MYOF: variants seen among roughly 807,000 people sequenced by gnomAD.
The protein encoded by MYOF is fer-1-like 3, myoferlin.
A neutral mutation model predicts 284.2 loss-of-function variants in MYOF; 244 were observed. That is an observed-to-expected ratio of 0.86 (90% confidence interval 0.77 to 0.95). MYOF has a LOEUF of 0.95. Among genes scored for constraint, MYOF ranks in the 40% least tolerant of loss-of-function variants. The probability of loss-of-function intolerance (pLI) is 0.00; values close to 1 mark genes in which losing one functional copy is unlikely to be tolerated. For missense variants in MYOF, 2,496 were observed against 2,560.6 expected (o/e 0.97, Z 0.54); for synonymous variants, 904 against 919.7 (o/e 0.98, Z 0.31).
intron 24 of MYOF, among the ~76,000 whole-genome samples, chr10:93,370,155 A>G (rs557122620): frequency 3.8e-4 from 58 of 152,316 alleles, no homozygotes; most frequent in African/African-American, 1.3e-3. Flanking sequence ...CCGGATTGCC[A>G]AACTGGACCT....
chr10:93,360,747 T>C (rs1845029952), intron 28 of MYOF, among the ~76,000 whole-genome samples: 1 of 152,198 alleles, frequency 6.6e-6, no homozygotes, highest in South Asian at 2.1e-4. Context: ...TAGGAAGACT[T>C]TAAGGGTAGT....
chr10:93,362,407 G>A (rs1335726858), intron 27 of MYOF, among the ~76,000 whole-genome samples: 1 of 151,862 alleles, frequency 6.6e-6, no homozygotes, highest in African/African-American at 2.4e-5. Context: ...ACCACACTTG[G>A]CTAATTTTTG....
chr10:93,333,370 T>C, intron 42 of MYOF, 58 bp from the exon 43 acceptor site: 2 of 1,464,508 alleles, frequency 1.4e-6, no homozygotes, highest in Non-Finnish European at 1.9e-6. Flanking sequence ...TGAAGTCAAG[T>C]TCAGGGACAG....
intron 27 of MYOF, among the ~76,000 whole-genome samples, chr10:93,362,141 G>A (rs573053104): frequency 6.6e-6 from 1 of 152,208 alleles, no homozygotes; most frequent in South Asian, 2.1e-4. Context: ...GTAGAGACAG[G>A]GTTTCACCAT....
intron 23 of MYOF, among the ~76,000 whole-genome samples, chr10:93,373,727 C>T (rs1443680777): frequency 1.3e-5 from 2 of 152,134 alleles, no homozygotes; most frequent in Non-Finnish European, 2.9e-5. Context: ...GACTACCTAC[C>T]CAACCCTCTG....
chr10:93,348,566 G>A (rs1159665448), intron 36 of MYOF, among the ~76,000 whole-genome samples: 1 of 152,098 alleles, frequency 6.6e-6, no homozygotes, highest in Non-Finnish European at 1.5e-5. Context: ...GAACTTGGAA[G>A]GTGAGGGAGG....
chr10:93,346,896 G>C (rs1197874286), intron 37 of MYOF, among the ~76,000 whole-genome samples: 1 of 152,210 alleles, frequency 6.6e-6, no homozygotes, highest in South Asian at 2.1e-4. Flanking sequence ...TAACCATTCA[G>C]TGAAAGGCAG....
At chr10:93,479,399 G>A (rs146652987) in intron 1 of MYOF, among the ~76,000 whole-genome samples, 1 of 152,096 alleles carries the variant, frequency 6.6e-6, no homozygotes, top group African/African-American at 2.4e-5. Context: ...AGTATCCTCA[G>A]TTCAGTCAGA....
chr10:93,368,485 C>T (rs1490130960), intron 25 of MYOF, among the ~76,000 whole-genome samples: 1 of 152,194 alleles, frequency 6.6e-6, no homozygotes, highest in Non-Finnish European at 1.5e-5. Flanking sequence ...GAGGACCAGG[C>T]TTGGCTTCTT....
At chr10:93,406,241 G>A (rs788360) in intron 7 of MYOF, among the ~76,000 whole-genome samples, 1 of 135,560 alleles carries the variant, frequency 7.4e-6, no homozygotes, top group Non-Finnish European at 1.6e-5. Flanking sequence ...TTACAGGCGT[G>A]AGCCACCACG....
At chr10:93,439,644 T>C (rs1022698118) in intron 3 of MYOF, among the ~76,000 whole-genome samples, 3 of 152,186 alleles carry the variant, frequency 2.0e-5, no homozygotes, top group Non-Finnish European at 4.4e-5. Flanking sequence ...TCCTCATCTA[T>C]AAAATGGGGA....
rs762176707 is a variant in MYOF at position 93,356,703 on chromosome 10, G to A, written c.3266C>T (p.Ala1089Val). The change falls in exon 30 of 54, where the codon GCT (alanine) becomes GTT (valine). Residue 1089 changes from alanine (A) to valine (V), a missense_variant. Physicochemically the swap from Ala to Val is moderately conservative, Grantham distance 64. Coordinates refer to ENST00000359263, the MANE Select transcript of MYOF (RefSeq NM_013451.4). ...GGCACCTTCAAGTTTAAAGATGGCA[G>A]CTGCACCATGTGTTTCTGAAGGAGC... The part of the protein sequence containing the change: ...KMAPSETHGA[A>V]AIFKLEGALG... 1 of 1,614,046 alleles carries A rather than the reference G, an allele frequency of 6.2e-7. No homozygotes were observed. The highest frequency in any genetic ancestry group is 8.5e-7 in the Non-Finnish European group (1 of 1,179,998).
In MYOF at chr10:93,366,464, A is replaced by C. The variant is rs1845331486; in HGVS notation, c.2681T>G (p.Leu894Arg). The C allele has an allele frequency of 6.2e-7, 1 of 1,613,570 alleles. No homozygotes were observed. Among genetic ancestry groups the C allele is most frequent in the African/African-American group, 1.3e-5 (1 of 74,718 alleles). The change falls in exon 26 of 54, where the codon CTC becomes CGC. Residue 894 changes from leucine to arginine, a missense_variant. Transcript: ENST00000359263. ...KFSDVTGKIK[L>R]KREFFLPPKG... ...TGGAGGCAGAAAAAATTCCCTCTTG[A>C]GTTTTATTTTTCCTGTGACATCAGA...
rs935431624 is a variant in MYOF at position 93,319,889 on chromosome 10, A to G, written c.5581T>C (p.Cys1861Arg). ...GAGCTCACTTTTTTCGCAACGATAC[A>G]GAGTTGTTCGGCTGGAAGGTAGTCA... ...PFDYLPAEQL[C>R]IVAKKEHFWS... The change falls in exon 49 of 54, where the codon TGT becomes CGT. Residue 1861 changes from cysteine (C) to arginine (R), a missense_variant. Around this residue, in one of 3 missense-constraint regions of MYOF, gnomAD observed 2,436 missense variants for 2,480.7 expected, o/e 0.98. Coordinates refer to ENST00000359263, the MANE Select transcript of MYOF (RefSeq NM_013451.4). 15 of 1,614,040 alleles carry G rather than the reference A, an allele frequency of 9.3e-6. No individual in the cohort carries two copies. Among genetic ancestry groups the G allele is most frequent in the Non-Finnish European group, 1.3e-5 (15 of 1,180,032 alleles).
In MYOF at chr10:93,374,794, C is replaced by T. The variant is rs754830686; in HGVS notation, c.2270G>A (p.Trp757Ter). 1 of 1,614,006 alleles carries T rather than the reference C, an allele frequency of 6.2e-7. No individual in the cohort carries two copies. Among genetic ancestry groups the T allele is most frequent in the Non-Finnish European group, 8.5e-7 (1 of 1,179,976 alleles). The change falls in exon 23 of 54, where the codon TGG becomes TAG. Residue 757 changes from tryptophan to a stop codon, truncating the protein, a stop_gained. Transcript: ENST00000359263. LOFTEE classifies it high-confidence loss of function. ...VKSTLAEIED[W>*]LDKLMQLTEE... ...AGTCAGCTGCATTAATTTATCAAGC[C>T]AGTCCTCAATTTCTGCCAGTGTGGA... is the stretch of plus-strand genomic sequence containing the variant.
At chr10:93,450,480 A>C (rs1306755881) in intron 3 of MYOF, among the ~76,000 whole-genome samples, 1 of 152,238 alleles carries the variant, frequency 6.6e-6, no homozygotes, top group Non-Finnish European at 1.5e-5. Context: ...AGGCTGAGGC[A>C]CAAGAATCAC....
chr10:93,442,960 A>G (rs1224696876), intron 3 of MYOF, among the ~76,000 whole-genome samples: 1 of 152,126 alleles, frequency 6.6e-6, no homozygotes, highest in East Asian at 1.9e-4. Flanking sequence ...GGAGTTCGAG[A>G]CCAGCCTGGC....
At chr10:93,400,583 G>A (rs1214111357) in intron 12 of MYOF, among the ~76,000 whole-genome samples, 2 of 152,028 alleles carry the variant, frequency 1.3e-5, no homozygotes, top group African/African-American at 2.4e-5. Flanking sequence ...AAATCCTGAA[G>A]AGATCCATGG....
chr10:93,408,977 T>C (rs1207034784), intron 6 of MYOF, 62 bp from the exon 7 acceptor site: 1 of 1,601,970 alleles, frequency 6.2e-7, no homozygotes, highest in Non-Finnish European at 8.5e-7. Context: ...CTTAGGATCC[T>C]CAGGTGTTGC....
Sources: gnomAD v4.1 joint callset for allele counts (sites outside exome capture counted in the v4.1 genomes callset) on GRCh38, gnomAD v4.1.1 for gene constraint, gnomAD v4.1.1 regional missense constraint, MANE v1.5 for transcripts, NCBI Gene and HGNC (gene_info 2026-07-23, HGNC 2026-07-21) for gene names.